Variants in ATP13A5 observed in about 807,000 individuals in gnomAD.
The protein encoded by ATP13A5 is probable cation-transporting ATPase 13A5.
Under a neutral mutation model 150.2 loss-of-function variants are expected in ATP13A5, and 149 were observed. The ratio of observed to expected loss-of-function variants is 0.99; its 90% CI spans 0.87 to 1.14. The LOEUF is 1.14. Among genes scored for constraint, ATP13A5 ranks in the 50% most tolerant of loss-of-function variants. The pLI is 0.00. For missense variants in ATP13A5, 1,383 were observed against 1,449.3 expected (o/e 0.95, Z 0.74); for synonymous variants, 497 against 522.2 (o/e 0.95, Z 0.66).
chr3:193,301,363 C>T (rs1718390643), intron 23 of ATP13A5, 56 bp from the exon 24 acceptor site: 1 of 1,330,538 alleles, frequency 7.5e-7, no homozygotes, highest in Non-Finnish European at 1.1e-6. Context: ...TGTCTCCCAA[C>T]TTCTTTTATA....
Position 193,303,810 on chromosome 3 carries a change from C to T in ATP13A5, c.2678+1749G>A, listed in dbSNP as rs1228924080. Among the ~76,000 whole-genome samples the T allele has an allele frequency of 4.0e-5, 6 of 148,554 alleles. 1 individual carries two copies. Among genetic ancestry groups the T allele is most frequent in the African/African-American group, 9.8e-5 (4 of 40,910 alleles). On this transcript the variant is annotated intron_variant, in intron 23 of 29. Transcript: ENST00000342358. ...GTGTGTGTGTATATAAATATATATA[C>T]ACACACACACATATTTATATATACA...
chr3:193,287,011 C>G (rs1230496660), intron 26 of ATP13A5, among the ~76,000 whole-genome samples: 1 of 152,050 alleles, frequency 6.6e-6, no homozygotes, highest in African/African-American at 2.4e-5. Flanking sequence ...TGGATCAAAC[C>G]AGTCACAACA....
At chr3:193,339,477 T>C (rs1712029801) in intron 9 of ATP13A5, among the ~76,000 whole-genome samples, 1 of 152,218 alleles carries the variant, frequency 6.6e-6, no homozygotes, top group Non-Finnish European at 1.5e-5. Context: ...TAAATAAAAA[T>C]GCCCAAGTTT....
Position 193,275,047 on chromosome 3 carries a change from G to C in ATP13A5, c.3652C>G (p.Leu1218Val). ...QPTEQHFWAR[L>V] ...ATGTACGACGACAATTCTGATTACA[G>C]CCTGGCCCAGAAATGCTGTTCTGTG... Residue 1218 changes from leucine (L) to valine (V), a missense_variant, in exon 30 of 30, where the codon CTG (leucine) becomes GTG (valine). This residue lies in a region of ATP13A5 where 568 missense variants were observed against 621.5 expected (regional missense o/e 0.91). Transcript: ENST00000342358. 6.2e-7 allele frequency: 1 copy of C among 1,613,986 alleles called. No homozygotes were observed. Among genetic ancestry groups the C allele is most frequent in the Non-Finnish European group, 8.5e-7 (1 of 1,180,016 alleles).
At chr3:193,314,438 G>T (rs1216204967) in intron 18 of ATP13A5, 3 of 452,362 alleles carry the variant, frequency 6.6e-6, no homozygotes, top group Non-Finnish European at 1.2e-5. Flanking sequence ...AATTAATAAA[G>T]AAATACTTAA....
At chr3:193,331,386 T>G in intron 11 of ATP13A5, 75 bp from the exon 12 acceptor site, 1 of 1,380,050 alleles carries the variant, frequency 7.2e-7, no homozygotes, top group Non-Finnish European at 9.8e-7. Flanking sequence ...GCCAAAGGAA[T>G]GAGCACATTG....
chr3:193,320,637 TA>T (rs72229606), intron 16 of ATP13A5, among the ~76,000 whole-genome samples: 11,363 of 108,944 alleles, frequency 0.1, 976 homozygotes, highest in African/African-American at 0.28. Context: ...GAAAAGGGGC[TA>T]AAAAAAGACT....
chr3:193,373,237 CA>C (rs1713515155), intron 1 of ATP13A5, among the ~76,000 whole-genome samples: 1 of 152,112 alleles, frequency 6.6e-6, no homozygotes, highest in Non-Finnish European at 1.5e-5. Context: ...CTCCCAGGTT[CA>C]AGCGATCTCC....
At position 193,331,293 on chromosome 3, in the gene ATP13A5, C is replaced by T; in HGVS notation, c.1291G>A (p.Val431Met). Residue 431 changes from valine to methionine, a missense_variant, in exon 12 of 30, where the codon GTG (valine) becomes ATG (methionine). By Grantham distance (21) the Val-to-Met change is conservative (BLOSUM62 1). Coordinates refer to ENST00000342358, the MANE Select transcript of ATP13A5 (RefSeq NM_198505.4). ...GTGAGGAGGATCAGGGCCATGGTCA[C>T]AGTATCTTTTGGAGGAACCTGGGAG... is the stretch of plus-strand genomic sequence containing the variant. ...MYHGVPPKDTVTMALILLTVT... is the reference protein window; with the variant it reads ...MYHGVPPKDTMTMALILLTVT... 2 of 1,613,322 alleles carry T rather than the reference C, an allele frequency of 1.2e-6. No individual in the cohort carries two copies. Among genetic ancestry groups the T allele is most frequent in the Non-Finnish European group, 1.7e-6 (2 of 1,179,786 alleles).
At chr3:193,339,067 G>C (rs1340802362) in intron 9 of ATP13A5, among the ~76,000 whole-genome samples, 2 of 151,852 alleles carry the variant, frequency 1.3e-5, no homozygotes, top group African/African-American at 4.9e-5. Flanking sequence ...ATTTCTGTGG[G>C]ATTGGTGGTG....
chr3:193,312,526 C>G (rs1718896189), intron 19 of ATP13A5, among the ~76,000 whole-genome samples: 1 of 152,206 alleles, frequency 6.6e-6, no homozygotes, highest in Admixed American at 6.5e-5. Flanking sequence ...TCCCTCCTTC[C>G]TTGCACCTGT....
intron 5 of ATP13A5, 115 bp downstream of exon 5, chr3:193,362,266 C>T: frequency 1.1e-6 from 1 of 931,224 alleles, no homozygotes; most frequent in Non-Finnish European, 1.7e-6. Context: ...AGTAAATGAA[C>T]TTGGACTATA....
At chr3:193,324,756 T>C in intron 14 of ATP13A5, 108 bp downstream of exon 14, 1 of 1,256,536 alleles carries the variant, frequency 8.0e-7, no homozygotes, top group Admixed American at 2.1e-5. Flanking sequence ...CGCTTATACA[T>C]ACATTATTAT....
At chr3:193,337,869 G>A (rs1459427091) in intron 9 of ATP13A5, among the ~76,000 whole-genome samples, 9 of 152,164 alleles carry the variant, frequency 5.9e-5, no homozygotes, top group Non-Finnish European at 1.3e-4. Context: ...CATGAGTGTG[G>A]AATGTTCTTC....
intron 23 of ATP13A5, among the ~76,000 whole-genome samples, chr3:193,301,750 G>T (rs1718403237): frequency 6.6e-6 from 1 of 152,144 alleles, no homozygotes; most frequent in Admixed American, 6.6e-5. Context: ...TGCTTTAGAG[G>T]TCCTTGGAGA....
rs1718810869 is a variant in ATP13A5 at position 193,310,723 on chromosome 3, A to G, written c.2446-6T>C. ...ACTGTTCCATTCACCAGAATCTAAA[A>G]AGAAAAAACAACCATTGCAATATGA... On this transcript the variant is annotated splice_region_variant and splice_polypyrimidine_tract_variant and intron_variant, in intron 20 of 29. Coordinates refer to ENST00000342358, the MANE Select transcript of ATP13A5 (RefSeq NM_198505.4). 6.3e-7 allele frequency: 1 copy of G among 1,595,938 alleles called. No individual in the cohort carries two copies. Among genetic ancestry groups the G allele is most frequent in the African/African-American group, 1.4e-5 (1 of 73,738 alleles).
intron 1 of ATP13A5, among the ~76,000 whole-genome samples, chr3:193,367,501 C>T (rs1219655732): frequency 6.6e-6 from 1 of 152,044 alleles, no homozygotes; most frequent in East Asian, 1.9e-4. Context: ...CATACTCAGA[C>T]ACCAAACTCT....
At chr3:193,327,973 T>G (rs1719528580) in intron 12 of ATP13A5, among the ~76,000 whole-genome samples, 1 of 152,228 alleles carries the variant, frequency 6.6e-6, no homozygotes, top group African/African-American at 2.4e-5. Flanking sequence ...TCTATAGAAG[T>G]CACTGAATTT....
chr3:193,275,406 G>T, intron 29 of ATP13A5, 104 bp from the exon 30 acceptor site: 1 of 1,332,176 alleles, frequency 7.5e-7, no homozygotes, highest in Non-Finnish European at 1.0e-6. Flanking sequence ...TTCCTCTGAG[G>T]TGTGCTCATT....
Sources: gnomAD v4.1 joint callset for allele counts (sites outside exome capture counted in the v4.1 genomes callset) on GRCh38, gnomAD v4.1.1 for gene constraint, gnomAD v4.1.1 regional missense constraint, MANE v1.5 for transcripts, NCBI Gene and HGNC (gene_info 2026-07-23, HGNC 2026-07-21) for gene names.